EML6: variants seen among roughly 807,000 people sequenced by gnomAD.
The protein encoded by EML6 is echinoderm microtubule-associated protein-like 6.
EML6 carries 154 observed loss-of-function variants against 240.1 expected under a neutral mutation model. That is an observed-to-expected ratio of 0.64 (90% confidence interval 0.56 to 0.73). The LOEUF (loss-of-function observed/expected upper bound fraction) is 0.73, where lower values mean the gene tolerates loss of function less well. Ranked by LOEUF, EML6 falls within the 30% of genes least tolerant of loss-of-function variation. EML6 has a pLI of 0.00. For missense variants in EML6, 2,964 were observed against 2,474.6 expected (o/e 1.20, Z -4.20); for synonymous variants, 1,148 against 899.0 (o/e 1.28, Z -4.95).
intron 2 of EML6, among the ~76,000 whole-genome samples, chr2:54,794,758 AC>A (rs1208888902): frequency 1.8e-4 from 28 of 152,218 alleles, no homozygotes; most frequent in Admixed American, 1.8e-3. Context: ...TGTTCAGCTT[AC>A]AAAAATTGTA....
chr2:54,829,314 A>G (rs1668748307), intron 6 of EML6, 28 bp from the exon 7 acceptor site: 3 of 1,548,208 alleles, frequency 1.9e-6, no homozygotes, highest in Non-Finnish European at 2.6e-6. Flanking sequence ...TGGTTGCACC[A>G]TTGAGTATTA....
In EML6 at chr2:54,825,853, C is replaced by T. The variant is rs200487875; in HGVS notation, c.526-1713C>T. ...TACTCTGAGAGGACCATGGTTTTTCCTCTCCTACAGGTGTAAAATAGTACA... is the reference window on the plus strand; with the variant it reads ...TACTCTGAGAGGACCATGGTTTTTCTTCTCCTACAGGTGTAAAATAGTACA... On this transcript the variant is annotated intron_variant, in intron 5 of 41. Coordinates refer to ENST00000356458, the MANE Select transcript of EML6 (RefSeq NM_001039753.4). Among the ~76,000 whole-genome samples the T allele has an allele frequency of 3.8e-4, 58 of 152,224 alleles. 2 individuals carry two copies. In the East Asian group the frequency reaches 0.01, roughly 27 times the overall value.
intron 4 of EML6, among the ~76,000 whole-genome samples, chr2:54,818,815 A>T (rs1324604923): frequency 1.3e-5 from 2 of 152,052 alleles, no homozygotes; most frequent in East Asian, 3.9e-4. Context: ...GTTCTCCCAG[A>T]CCCCATAATC....
Position 54,850,261 on chromosome 2 carries a change from T to G in EML6, c.1444+43T>G, listed in dbSNP as rs962669053. On this transcript the variant is annotated intron_variant, in intron 10 of 41. Transcript: ENST00000356458. ...CTTGGATGTTTCTGGAAAGCAAAAT[T>G]TTGAACCAGGTGAAGGAAATACAGG... 11 of 1,527,894 alleles carry G rather than the reference T, an allele frequency of 7.2e-6. No individual in the cohort carries two copies. The Admixed American group carries it at 1.6e-4, about 22-fold the overall frequency. The allele number at this position is 1,527,894 out of a possible 1,614,324, so 94.6% of individuals were successfully genotyped here.
chr2:54,872,374 A>G (rs1249565450), intron 16 of EML6, among the ~76,000 whole-genome samples: 1 of 152,192 alleles, frequency 6.6e-6, no homozygotes, highest in Non-Finnish European at 1.5e-5. Context: ...CAAATGCTTA[A>G]TAAGTATAAC....
At chr2:54,838,436 A>G (rs75015316) in intron 7 of EML6, among the ~76,000 whole-genome samples, 3,042 of 152,354 alleles carry the variant, frequency 0.02, 36 homozygotes, top group Non-Finnish European at 0.032. Flanking sequence ...ATGAATGACT[A>G]AATACCTTAC....
chr2:54,938,584 C>T (rs538785181), intron 28 of EML6, among the ~76,000 whole-genome samples: 1 of 152,298 alleles, frequency 6.6e-6, no homozygotes, highest in South Asian at 2.1e-4. Flanking sequence ...TGCCTACCAG[C>T]TCCCACAGTA....
chr2:54,964,247 A>G, intron 37 of EML6, 89 bp downstream of exon 37: 1 of 1,366,238 alleles, frequency 7.3e-7, no homozygotes, highest in Non-Finnish European at 9.9e-7. Context: ...TGGAATAAAG[A>G]ACTCAGTTGT....
In EML6 at chr2:54,776,237, A is replaced by C. The variant is rs188283749; in HGVS notation, c.198-36995A>C. Among the ~76,000 whole-genome samples, 30 of 152,252 alleles carry C rather than the reference A, an allele frequency of 2.0e-4. No individual in the cohort carries two copies. The East Asian group carries it at 4.8e-3, about 24-fold the overall frequency. On this transcript the variant is annotated intron_variant, in intron 2 of 41. Transcript: ENST00000356458. ...AAAAGGAGGAGGAGAAAGGGGCTTT[A>C]TTGGCCCAACCAGAAACAGAGACTA...
chr2:54,923,743 A>C (rs1233187933), intron 26 of EML6, among the ~76,000 whole-genome samples: 2 of 152,192 alleles, frequency 1.3e-5, no homozygotes, highest in South Asian at 4.1e-4. Flanking sequence ...ATGAAGATAC[A>C]TACGCCATTG....
chr2:54,775,998 A>G (rs1668578018), intron 2 of EML6, among the ~76,000 whole-genome samples: 1 of 152,084 alleles, frequency 6.6e-6, no homozygotes, highest in Non-Finnish European at 1.5e-5. Flanking sequence ...GCCATTATGT[A>G]TTCTATTTAA....
intron 2 of EML6, among the ~76,000 whole-genome samples, chr2:54,736,440 C>T (rs1683394635): frequency 1.3e-5 from 2 of 152,160 alleles, no homozygotes; most frequent in Non-Finnish European, 2.9e-5. Flanking sequence ...ATGGCAGTTA[C>T]CTTTTCTGGG....
chr2:54,727,352 T>C (rs921335883), intron 2 of EML6, among the ~76,000 whole-genome samples: 1 of 151,936 alleles, frequency 6.6e-6, no homozygotes, highest in Non-Finnish European at 1.5e-5. Flanking sequence ...TCCAAATATG[T>C]CTTTGTACAC....
chr2:54,870,043 A>T (rs1671172147), intron 15 of EML6, among the ~76,000 whole-genome samples: 1 of 152,230 alleles, frequency 6.6e-6, no homozygotes, highest in South Asian at 2.1e-4. Context: ...AAATGTATAG[A>T]TTATACTTTT....
At chr2:54,895,493 G>T in intron 21 of EML6, 93 bp downstream of exon 21, 1 of 1,264,562 alleles carries the variant, frequency 7.9e-7, no homozygotes, top group African/African-American at 1.5e-5. Context: ...ACTTAAGGAG[G>T]CACTCACTCT....
At chr2:54,880,705 T>A (rs2103984739) in intron 17 of EML6, 1 of 152,338 alleles carries the variant, frequency 6.6e-6, no homozygotes, top group African/African-American at 2.4e-5. Context: ...CTCACTGTCA[T>A]TCCACTCCCT....
chr2:54,726,467 A>G (rs1682913757), intron 2 of EML6, among the ~76,000 whole-genome samples: 1 of 151,874 alleles, frequency 6.6e-6, no homozygotes, highest in Non-Finnish European at 1.5e-5. Context: ...TGAGACCTAA[A>G]GTTGAAAAAT....
At chr2:54,937,553 T>TAAAA (rs34682923) in intron 28 of EML6, among the ~76,000 whole-genome samples, 1 of 68,152 alleles carries the variant, frequency 1.5e-5, no homozygotes, top group Non-Finnish European at 2.6e-5. Flanking sequence ...ACTCTGTCTT[T>TAAAA]AAAAAAAAAA....
At chr2:54,949,344 C>A (rs1040728894) in intron 29 of EML6, among the ~76,000 whole-genome samples, 9 of 152,214 alleles carry the variant, frequency 5.9e-5, no homozygotes, top group African/African-American at 2.2e-4. Flanking sequence ...TGAGCCCCGA[C>A]TGTTTGCCGG....
Sources: allele counts gnomAD v4.1 joint callset (sites outside exome capture counted in the v4.1 genomes callset), GRCh38; gene constraint gnomAD v4.1.1; transcripts MANE v1.5; gene names NCBI Gene and HGNC (gene_info 2026-07-23, HGNC 2026-07-21).